The following USP28 variants were observed in gnomAD, a reference collection of about 807,000 sequenced individuals.
USP28 encodes the protein ubiquitin specific peptidase 28.
A neutral mutation model predicts 145.0 loss-of-function variants in USP28; 113 were observed. The ratio of observed to expected loss-of-function variants is 0.78; its 90% CI spans 0.67 to 0.91. USP28 has a LOEUF of 0.91. USP28 is among the 40% of genes least tolerant of loss of function. USP28 has a pLI of 0.00. For synonymous variants in USP28, 447 were observed against 450.9 expected, an observed-to-expected ratio of 0.99 and a Z score of 0.11; for missense variants, 1,201 against 1,289.6, an observed-to-expected ratio of 0.93 and a Z score of 1.05.
At chr11:113,826,707 G>A (rs1012311606) in intron 11 of USP28, among the ~76,000 whole-genome samples, 2 of 151,916 alleles carry the variant, frequency 1.3e-5, no homozygotes, top group Non-Finnish European at 2.9e-5. Context: ...ATCACCTGAG[G>A]TCGGGAGTTC....
intron 1 of USP28, among the ~76,000 whole-genome samples, chr11:113,873,301 G>C (rs1055022321): frequency 6.6e-6 from 1 of 152,164 alleles, no homozygotes; most frequent in Non-Finnish European, 1.5e-5. Context: ...ACATTATCAA[G>C]CATTCCAAGC....
chr11:113,819,290 T>C (rs958137477), intron 12 of USP28, among the ~76,000 whole-genome samples: 2 of 151,934 alleles, frequency 1.3e-5, no homozygotes, highest in African/African-American at 4.8e-5. Context: ...TTTTTATATT[T>C]TTAGTAGAGA....
chr11:113,841,662 C>T lies in USP28; in HGVS notation c.374+1G>A. ...CAAGAATTATAAGTTAAATCAATAACCTGTTAAGATCTCTTCCATCAGCTT... is the reference window on the plus strand; with the variant it reads ...CAAGAATTATAAGTTAAATCAATAATCTGTTAAGATCTCTTCCATCAGCTT... On this transcript the variant is annotated splice_donor_variant, in intron 4 of 24. Coordinates refer to ENST00000003302, the Ensembl canonical transcript of USP28. LOFTEE classifies it high-confidence loss of function. 6.2e-7 allele frequency: 1 copy of T among 1,600,150 alleles called. No individual in the cohort carries two copies. Among genetic ancestry groups the T allele is most frequent in the Non-Finnish European group, 8.6e-7 (1 of 1,169,240 alleles).
At chr11:113,843,586 G>A (rs142745520) in intron 3 of USP28, among the ~76,000 whole-genome samples, 1,867 of 147,934 alleles carry the variant, frequency 0.013, 44 homozygotes, top group African/African-American at 0.044. Flanking sequence ...CAGGAGGACG[G>A]CTTGAACCCA....
Position 113,852,551 on chromosome 11 carries a change from G to C in USP28, c.218C>G (p.Thr73Arg), listed in dbSNP as rs1202933808. ...ACTCCCCTCTACTTCAGATGGTTCT[G>C]TAGCAACAGTGTCTTGACTGGGCTC... The change falls in exon 3 of 25, where the codon ACA (threonine) becomes AGA (arginine). Residue 73 changes from threonine (T) to arginine (R), a missense_variant. By Grantham distance (71) the Thr-to-Arg change is moderately conservative. Transcript: ENST00000003302. 3 of 1,614,064 alleles carry C rather than the reference G, an allele frequency of 1.9e-6. No individual in the cohort carries two copies. The highest frequency in any genetic ancestry group is 2.5e-6 in the Non-Finnish European group (3 of 1,180,048).
At chr11:113,799,075 G>A in exon 25 of USP28, 2 of 727,054 alleles carry the variant, frequency 2.8e-6, no homozygotes, top group South Asian at 2.3e-5. Context: ...CCTAAAAAGT[G>A]CAATTTTATT....
At chr11:113,809,771 G>A (rs1480350310) in intron 16 of USP28, among the ~76,000 whole-genome samples, 3 of 152,162 alleles carry the variant, frequency 2.0e-5, no homozygotes, top group East Asian at 3.9e-4. Context: ...AGTGGCTCAC[G>A]CCTGTAATCC....
chr11:113,874,414 G>A, intron 1 of USP28: 1 of 1,019,854 alleles, frequency 9.8e-7, no homozygotes, highest in Non-Finnish European at 1.2e-6. Context: ...AACAGAGGGA[G>A]ACTCTGTCGA....
chr11:113,851,397 T>C (rs577769321), intron 3 of USP28, among the ~76,000 whole-genome samples: 2 of 152,288 alleles, frequency 1.3e-5, no homozygotes, highest in East Asian at 3.9e-4. Context: ...CCTCACTCAC[T>C]AAGCCTTAGC....
intron 1 of USP28, chr11:113,874,926 T>C (rs1047137885): frequency 1.9e-5 from 19 of 999,220 alleles, no homozygotes; most frequent in Non-Finnish European, 2.0e-5. Context: ...TGTTTTGTTT[T>C]TAAAGCCGGG....
intron 3 of USP28, among the ~76,000 whole-genome samples, chr11:113,844,099 G>T (rs1437731979): frequency 6.6e-6 from 1 of 151,966 alleles, no homozygotes; most frequent in Non-Finnish European, 1.5e-5. Flanking sequence ...AGGAACCAAA[G>T]AAAAAATAGA....
Position 113,875,432 on chromosome 11 carries a change from C to T in USP28, c.57+13G>A. The T allele has an allele frequency of 8.0e-7, 1 of 1,246,818 alleles. No individual in the cohort carries two copies. The highest frequency in any genetic ancestry group is 1.0e-6 in the Non-Finnish European group (1 of 989,674). 77.2% of individuals were successfully genotyped at this position (1,246,818 alleles called of 1,614,324 possible). The stretch of plus-strand genomic sequence containing the variant: ...GCCCGCCCCCAGCTCCCGCTCGCCG[C>T]CGCGGAGCCCACCGAGCCGTGGCCG... On this transcript the variant is annotated intron_variant, in intron 1 of 24. Coordinates refer to ENST00000003302, the Ensembl canonical transcript of USP28.
rs184644762 is a variant in USP28 at position 113,803,284 on chromosome 11, T to C, written c.2739-3A>G. 1.5e-3 allele frequency: 2,360 copies of C among 1,603,632 alleles called. 3 individuals are homozygous for C. The highest frequency in any genetic ancestry group is 1.7e-3 in the Non-Finnish European group (1,955 of 1,176,160). ...GGTAGGAAAGTGCCTCTTGGTACCT[T>C]AGAAAAATGGGAGATAAACAACAGC... On this transcript the variant is annotated splice_polypyrimidine_tract_variant and splice_region_variant and intron_variant, in intron 22 of 24. Transcript: ENST00000003302.
intron 12 of USP28, 71 bp from the exon 13 acceptor site, chr11:113,817,908 T>G: frequency 6.6e-7 from 1 of 1,522,994 alleles, no homozygotes; most frequent in Non-Finnish European, 9.0e-7. Flanking sequence ...TGACAAAAGA[T>G]CTGTTTATCA....
At chr11:113,817,809 G>A (rs753542738) in exon 13 of USP28, 10 of 1,614,146 alleles carry the variant, frequency 6.2e-6, no homozygotes, top group South Asian at 2.2e-5. Context: ...AGCGGGAACC[G>A]AGCTGGGCCT....
chr11:113,861,379 T>C (rs1225027722), intron 1 of USP28, among the ~76,000 whole-genome samples: 1 of 152,172 alleles, frequency 6.6e-6, no homozygotes, highest in Non-Finnish European at 1.5e-5. Context: ...ACTTGATAAT[T>C]TTTGTGAATG....
chr11:113,835,460 C>T (rs781449108), intron 5 of USP28: 4 of 409,130 alleles, frequency 9.8e-6, no homozygotes, highest in Non-Finnish European at 1.9e-5. Flanking sequence ...AGCCCACGTG[C>T]ACCTCTCTGG....
chr11:113,854,538 A>T (rs1165137964), intron 1 of USP28, among the ~76,000 whole-genome samples: 1 of 152,150 alleles, frequency 6.6e-6, no homozygotes, highest in Non-Finnish European at 1.5e-5. Context: ...AGTAGTTGGG[A>T]TTACAGGCAC....
intron 3 of USP28, among the ~76,000 whole-genome samples, chr11:113,848,328 A>G (rs1946105045): frequency 6.6e-6 from 1 of 152,232 alleles, no homozygotes; most frequent in East Asian, 1.9e-4. Flanking sequence ...ACAAGCTGAA[A>G]GGCAGAGACC....
Sources: allele counts gnomAD v4.1 joint callset (sites outside exome capture counted in the v4.1 genomes callset), GRCh38; gene constraint gnomAD v4.1.1; transcripts MANE v1.5; gene names NCBI Gene and HGNC (gene_info 2026-07-23, HGNC 2026-07-21).